The following AGPAT4 variants were observed in gnomAD, a reference collection of about 807,000 sequenced individuals.
AGPAT4 encodes the protein 1-acylglycerol-3-phosphate O-acyltransferase 4, also known as 1-acyl-sn-glycerol-3-phosphate acyltransferase delta.
AGPAT4 carries 15 observed loss-of-function variants against 48.0 expected under a neutral mutation model. That is an observed-to-expected ratio of 0.31 (90% CI 0.21 to 0.48). The LOEUF is 0.48. Among genes scored for constraint, AGPAT4 ranks in the 20% least tolerant of loss-of-function variants. The probability of loss-of-function intolerance (pLI) is 0.99; values close to 1 mark genes in which losing one functional copy is unlikely to be tolerated. For missense variants in AGPAT4, 314 were observed against 482.5 expected (o/e 0.65, Z 3.27); for synonymous variants, 178 against 198.7 (o/e 0.90, Z 0.88).
chr6:161,251,000 C>A (rs1463598801), intron 1 of AGPAT4, among the ~76,000 whole-genome samples: 1 of 152,064 alleles, frequency 6.6e-6, no homozygotes, highest in Non-Finnish European at 1.5e-5. Context: ...TTAGAGTGAC[C>A]AACTTTTTCA....
chr6:161,232,171 G>C lies in AGPAT4; in HGVS notation c.43C>G (p.Leu15Val). ...GLLKSQFLCHLVFCYVFIASG... is the reference protein window; with the variant it reads ...GLLKSQFLCHVVFCYVFIASG... ...GCAATAAAGACGTAGCAGAAGACCA[G>C]GTGGCACAGGAACTGAGACTTCAGC... Residue 15 changes from leucine (L) to valine (V), a missense_variant, in exon 2 of 9, where the codon CTG (leucine) becomes GTG (valine). Coordinates refer to ENST00000320285, the MANE Select transcript of AGPAT4 (RefSeq NM_020133.3). The surrounding 1 kb of genome is among the most constrained non-coding windows in gnomAD (Gnocchi z 6.8). 1 of 1,614,174 alleles carries C rather than the reference G, an allele frequency of 6.2e-7. No individual in the cohort carries two copies. The highest frequency in any genetic ancestry group is 8.5e-7 in the Non-Finnish European group (1 of 1,180,034).
chr6:161,238,233 C>T lies in AGPAT4; in HGVS notation c.-89-5931G>A, dbSNP rs1051744870. 7.9e-5 allele frequency among the ~76,000 whole-genome samples: 12 copies of T among 152,126 alleles called. No homozygotes were observed. The highest frequency in any genetic ancestry group is 2.2e-4 in the African/African-American group (9 of 41,416). ...TAACTTACTTGGCCCTCACTTTCCT[C>T]GTGTGTAAAATCAGAGCAATAACTT... On this transcript the variant is annotated intron_variant, in intron 1 of 8. Coordinates refer to ENST00000320285, the MANE Select transcript of AGPAT4 (RefSeq NM_020133.3). The surrounding 1 kb of genome is among the most constrained non-coding windows in gnomAD (Gnocchi z 5.2).
rs1030607768 is a variant in AGPAT4, at chr6:161,146,186, A to G, written c.843+338T>C. ...ACAACCAAATTGTTGATCCAGAAGC[A>G]ATCAAGACCATGTCCATTGCTGCGG... On this transcript the variant is annotated intron_variant, in intron 7 of 8. Transcript: ENST00000320285. This position sits in a 1 kb window ranked among gnomAD's most constrained non-coding sequence, Gnocchi z 7.1. Among the ~76,000 whole-genome samples the G allele has an allele frequency of 6.6e-6, 1 of 151,536 alleles. No individual in the cohort carries two copies. The highest frequency in any genetic ancestry group is 2.4e-5 in the African/African-American group (1 of 40,830).
rs541910679 is a variant in AGPAT4 at position 161,272,395 on chromosome 6, T to C, written c.-90+1543A>G. 7.9e-5 allele frequency among the ~76,000 whole-genome samples: 12 copies of C among 152,346 alleles called. No homozygotes were observed. Among genetic ancestry groups the C allele is most frequent in the Non-Finnish European group, 1.8e-4 (12 of 68,030 alleles). On this transcript the variant is annotated intron_variant, in intron 1 of 8. Coordinates refer to ENST00000320285, the MANE Select transcript of AGPAT4 (RefSeq NM_020133.3). The surrounding 1 kb of genome is among the most constrained non-coding windows in gnomAD (Gnocchi z 4.2). Reference sequence around the variant, plus strand: ...GAATGGGATTACTACTTATCTATTTTATAAAAGCTAATTATTTGGGATGCC... The same window carrying C: ...GAATGGGATTACTACTTATCTATTTCATAAAAGCTAATTATTTGGGATGCC...
In AGPAT4 at chr6:161,215,667, T is replaced by C. The variant is rs1485682393; in HGVS notation, c.178+16369A>G. Reference sequence around the variant, plus strand: ...ATATCCTTGCAGTGGCTGAGGGGTATATCTGCTTGAACCACACAGTAGAAT... The same window carrying C: ...ATATCCTTGCAGTGGCTGAGGGGTACATCTGCTTGAACCACACAGTAGAAT... On this transcript the variant is annotated intron_variant, in intron 2 of 8. Coordinates refer to ENST00000320285, the MANE Select transcript of AGPAT4 (RefSeq NM_020133.3). The surrounding 1 kb of genome is among the most constrained non-coding windows in gnomAD (Gnocchi z 4.5). 1.3e-5 allele frequency among the ~76,000 whole-genome samples: 2 copies of C among 150,954 alleles called. No individual in the cohort carries two copies. Among genetic ancestry groups the C allele is most frequent in the African/African-American group, 4.9e-5 (2 of 40,980 alleles).
At chr6:161,183,879 A>T (rs546673615) in intron 2 of AGPAT4, among the ~76,000 whole-genome samples, 1 of 151,460 alleles carries the variant, frequency 6.6e-6, no homozygotes, top group African/African-American at 2.4e-5. Context: ...GGGCTTCCAT[A>T]TTCAAGGACA....
rs1778869917 is a variant in AGPAT4 at position 161,130,635 on chromosome 6, G to A, written c.*5905C>T. ...CATGGTTAGATCTCTTTCCTTGATA[G>A]AACAAGCAAAAGAGGGGCTGATCCA... On this transcript the variant is annotated 3_prime_UTR_variant, in exon 9 of 9. Coordinates refer to ENST00000320285, the MANE Select transcript of AGPAT4 (RefSeq NM_020133.3). 9 of 271,216 alleles carry A rather than the reference G, an allele frequency of 3.3e-5. No individual in the cohort carries two copies. Among genetic ancestry groups the A allele is most frequent in the South Asian group, 2.8e-4 (7 of 25,270 alleles). 16.8% of individuals were successfully genotyped at this position (271,216 alleles called of 1,614,324 possible).
In AGPAT4 at chr6:161,189,878, G is replaced by A. The variant is rs998951288; in HGVS notation, c.179-23461C>T. On this transcript the variant is annotated intron_variant, in intron 2 of 8. Coordinates refer to ENST00000320285, the MANE Select transcript of AGPAT4 (RefSeq NM_020133.3). This position sits in a 1 kb window ranked among gnomAD's most constrained non-coding sequence, Gnocchi z 5.3. ...TGTTCTGTCTTATCAGTTCTGAAAT[G>A]CTCCGTTGGTTCACATTTTAACATG... 3.3e-5 allele frequency among the ~76,000 whole-genome samples: 5 copies of A among 152,222 alleles called. No individual in the cohort carries two copies. The highest frequency in any genetic ancestry group is 5.9e-5 in the Non-Finnish European group (4 of 68,046).
At chr6:161,193,092 C>T (rs1780968961) in intron 2 of AGPAT4, among the ~76,000 whole-genome samples, 1 of 152,176 alleles carries the variant, frequency 6.6e-6, no homozygotes, top group African/African-American at 2.4e-5. Flanking sequence ...AAATTCTGAG[C>T]CATTGTCTCT....
rs1005814125 is a variant in AGPAT4 at position 161,136,477 on chromosome 6, A to C, written c.*63T>G. ...CAGCCTTTGTCACCGTGTCCCACTA[A>C]GGAGGATATGCAGAGGCCACCAGTT... On this transcript the variant is annotated 3_prime_UTR_variant, in exon 9 of 9. Coordinates refer to ENST00000320285, the MANE Select transcript of AGPAT4 (RefSeq NM_020133.3). The C allele has an allele frequency of 3.7e-6, 5 of 1,339,224 alleles. No homozygotes were observed. Among genetic ancestry groups the C allele is most frequent in the Admixed American group, 1.8e-5 (1 of 55,798 alleles). 83.0% of individuals were successfully genotyped at this position (1,339,224 alleles called of 1,614,324 possible). A position where few individuals can be genotyped will look rare whatever the true frequency, so the allele number is the denominator to read the frequency against.
At chr6:161,167,937 G>A (rs1408959072) in intron 2 of AGPAT4, among the ~76,000 whole-genome samples, 6 of 152,156 alleles carry the variant, frequency 3.9e-5, no homozygotes, top group Non-Finnish European at 8.8e-5. Context: ...CCTTAAAAAC[G>A]ACGAAAACCA....
At position 161,219,945 on chromosome 6, in the gene AGPAT4, G is replaced by GACA. The variant is rs1562344031; in HGVS notation, c.178+12090_178+12091insTGT. On this transcript the variant is annotated intron_variant, in intron 2 of 8. Transcript: ENST00000320285. The surrounding 1 kb of genome is among the most constrained non-coding windows in gnomAD (Gnocchi z 4.9). ...AGGCAGGCAGGCAGGCAGGCAGGCA[G>GACA]GCAGACAGACAGACAGACAGACAGG... 0.011 allele frequency among the ~76,000 whole-genome samples: 1,563 copies of GACA among 148,658 alleles called. 40 individuals carry two copies. The highest frequency in any genetic ancestry group is 0.036 in the African/African-American group (1,405 of 39,050).
rs979702542 is a variant in AGPAT4 at position 161,140,555 on chromosome 6, C to T, written c.844-935G>A. Among the ~76,000 whole-genome samples, 2 of 150,942 alleles carry T rather than the reference C, an allele frequency of 1.3e-5. No individual in the cohort carries two copies. Among genetic ancestry groups the T allele is most frequent in the South Asian group, 2.1e-4 (1 of 4,826 alleles). On this transcript the variant is annotated intron_variant, in intron 7 of 8. Transcript: ENST00000320285. This position sits in a 1 kb window ranked among gnomAD's most constrained non-coding sequence, Gnocchi z 6.5. ...TGGGTGTCTCATGTCACGGAGCTCCCGCTCAGGGACTGGGGCTCAGCCGCA... is the reference window on the plus strand; with the variant it reads ...TGGGTGTCTCATGTCACGGAGCTCCTGCTCAGGGACTGGGGCTCAGCCGCA...
chr6:161,194,137 T>C (rs192266497), intron 2 of AGPAT4, among the ~76,000 whole-genome samples: 1 of 152,210 alleles, frequency 6.6e-6, no homozygotes, highest in Non-Finnish European at 1.5e-5. Context: ...GTTTTGAAGA[T>C]TTCCAACAAA....
In AGPAT4 at chr6:161,219,822, C is replaced by CAT. The variant is rs879660849; in HGVS notation, c.178+12213_178+12214insAT. Among the ~76,000 whole-genome samples the CAT allele has an allele frequency of 5.3e-3, 560 of 105,942 alleles. 8 individuals are homozygous for CAT. The highest frequency in any genetic ancestry group is 0.011 in the South Asian group (35 of 3,058). The allele number at this position is 105,942 out of a possible 152,430, so 69.5% of individuals were successfully genotyped here. A position where few individuals can be genotyped will look rare whatever the true frequency, so the allele number is the denominator to read the frequency against. Reference sequence around the variant, plus strand: ...ACAGATTCACAGTAAAAAAGATAGACAGAGATAGATAGATAGATAGATAGA... The same window carrying CAT: ...ACAGATTCACAGTAAAAAAGATAGACATAGAGATAGATAGATAGATAGATAGA... On this transcript the variant is annotated intron_variant, in intron 2 of 8. Coordinates refer to ENST00000320285, the MANE Select transcript of AGPAT4 (RefSeq NM_020133.3). This position sits in a 1 kb window ranked among gnomAD's most constrained non-coding sequence, Gnocchi z 4.9.
chr6:161,133,493 A>G lies in AGPAT4; in HGVS notation c.*3047T>C, dbSNP rs1271399065. 3 of 152,142 alleles carry G rather than the reference A, an allele frequency of 2.0e-5. No individual in the cohort carries two copies. The highest frequency in any genetic ancestry group is 7.2e-5 in the African/African-American group (3 of 41,430). The allele number at this position is 152,142 out of a possible 1,614,324, so 9.4% of individuals were successfully genotyped here. On this transcript the variant is annotated 3_prime_UTR_variant, in exon 9 of 9. Transcript: ENST00000320285. ...GGTAGACTAACTCACAGAGTGCCTT[A>G]CTTCTTCCTCCCGATTAATCGTGTT...
In AGPAT4 at chr6:161,130,878, A is replaced by C. The variant is rs750050877; in HGVS notation, c.*5662T>G. 3.9e-6 allele frequency: 2 copies of C among 518,956 alleles called. No homozygotes were observed. The highest frequency in any genetic ancestry group is 3.8e-5 in the African/African-American group (2 of 51,986). The allele number at this position is 518,956 out of a possible 1,614,324, so 32.1% of individuals were successfully genotyped here. A position where few individuals can be genotyped will look rare whatever the true frequency, so the allele number is the denominator to read the frequency against. ...CTTTCCTTCCTCATGATCTGCAAAG[A>C]TACAGAGAGAATGGCATTCCAAAAT... On this transcript the variant is annotated 3_prime_UTR_variant, in exon 9 of 9. Coordinates refer to ENST00000320285, the MANE Select transcript of AGPAT4 (RefSeq NM_020133.3).
At position 161,148,103 on chromosome 6, in the gene AGPAT4, G is replaced by A. The variant is rs769337302; in HGVS notation, c.767+1084C>T. Among the ~76,000 whole-genome samples the A allele has an allele frequency of 2.0e-5, 3 of 152,206 alleles. No homozygotes were observed. Among genetic ancestry groups the A allele is most frequent in the Non-Finnish European group, 4.4e-5 (3 of 68,034 alleles). On this transcript the variant is annotated intron_variant, in intron 6 of 8. Coordinates refer to ENST00000320285, the MANE Select transcript of AGPAT4 (RefSeq NM_020133.3). This position sits in a 1 kb window ranked among gnomAD's most constrained non-coding sequence, Gnocchi z 5.5. The stretch of plus-strand genomic sequence containing the variant: ...TTTCCCAAATAACTGAGCCCAGCTG[G>A]CCATTGAGTGGAGCTCCTGCCAGCT...
intron 2 of AGPAT4, among the ~76,000 whole-genome samples, chr6:161,173,797 T>C (rs1780349212): frequency 6.6e-6 from 1 of 152,232 alleles, no homozygotes; most frequent in Non-Finnish European, 1.5e-5. Context: ...TTTAAGTCTT[T>C]AATCCACCTT....
Sources: allele counts gnomAD v4.1 joint callset (sites outside exome capture counted in the v4.1 genomes callset), GRCh38; gene constraint gnomAD v4.1.1; non-coding constraint Gnocchi (gnomAD v3.1); transcripts MANE v1.5; gene names NCBI Gene and HGNC (gene_info 2026-07-23, HGNC 2026-07-21).